ASTN2: variants seen among roughly 807,000 people sequenced by gnomAD.
The protein encoded by ASTN2 is astrotactin-2.
Under a neutral mutation model 139.8 loss-of-function variants are expected in ASTN2, and 54 were observed. The ratio of observed to expected loss-of-function variants is 0.39; its 90% CI spans 0.31 to 0.48. The LOEUF is 0.48. Ranked by LOEUF, ASTN2 falls within the 20% of genes least tolerant of loss-of-function variation. The pLI, the probability that ASTN2 is intolerant of heterozygous loss-of-function variation, is 0.95. For synonymous variants in ASTN2, 756 were observed against 719.5 expected (o/e 1.05, Z -0.81); for missense variants, 1,565 against 1,725.1 (o/e 0.91, Z 1.64).
At chr9:117,278,535 C>A (rs1834249191) in intron 2 of ASTN2, among the ~76,000 whole-genome samples, 1 of 152,190 alleles carries the variant, frequency 6.6e-6, no homozygotes, top group African/African-American at 2.4e-5. Context: ...CCCCTTCCCC[C>A]TCTTCATTCA....
At chr9:116,792,121 A>T (rs573741443) in intron 13 of ASTN2, among the ~76,000 whole-genome samples, 2 of 152,252 alleles carry the variant, frequency 1.3e-5, no homozygotes, top group African/African-American at 4.8e-5. Context: ...ACGGGGAAAG[A>T]TTACAGAGGG....
Position 116,698,502 on chromosome 9 carries a change from C to T in ASTN2, c.2806+27269G>A, listed in dbSNP as rs1407557292. ...GATCAAGCAGGCAGATGTAGCACTA[C>T]TGGAGGAGACAGCTGATGAGGAGGA... On this transcript the variant is annotated intron_variant, in intron 16 of 22. Transcript: ENST00000313400. The surrounding 1 kb of genome is among the most constrained non-coding windows in gnomAD (Gnocchi z 4.4). The T allele has an allele frequency of 6.2e-7, 1 of 1,613,874 alleles. No homozygotes were observed. The highest frequency in any genetic ancestry group is 1.7e-5 in the Admixed American group (1 of 60,028).
intron 6 of ASTN2, 29 bp downstream of exon 6, chr9:117,039,790 G>A: frequency 1.2e-6 from 2 of 1,606,454 alleles, no homozygotes; most frequent in Non-Finnish European, 1.7e-6. Context: ...CTGAGTGGGT[G>A]TGGAGCATCT....
In ASTN2 at chr9:117,414,370, T is replaced by A; in HGVS notation, c.442+127A>T. 6.9e-6 allele frequency: 10 copies of A among 1,453,214 alleles called. No homozygotes were observed. The highest frequency in any genetic ancestry group is 9.1e-6 in the Non-Finnish European group (10 of 1,096,222). 90.0% of individuals were successfully genotyped at this position (1,453,214 alleles called of 1,614,324 possible). A position where few individuals can be genotyped will look rare whatever the true frequency, so the allele number is the denominator to read the frequency against. On this transcript the variant is annotated intron_variant, in intron 1 of 22. Transcript: ENST00000313400. The surrounding 1 kb of genome is among the most constrained non-coding windows in gnomAD (Gnocchi z 4.2). Reference sequence around the variant, plus strand: ...ACCTGTGCGACCTCTGGGCCCCTCCTCTACCCTCTGCCAACCCCACTCGGG... The same window carrying A: ...ACCTGTGCGACCTCTGGGCCCCTCCACTACCCTCTGCCAACCCCACTCGGG...
At chr9:116,565,674 G>A (rs952637041) in intron 19 of ASTN2, among the ~76,000 whole-genome samples, 1 of 151,466 alleles carries the variant, frequency 6.6e-6, no homozygotes, top group Non-Finnish European at 1.5e-5. Context: ...GCAGAGACAG[G>A]GTCTCGCCAT....
intron 5 of ASTN2, among the ~76,000 whole-genome samples, chr9:117,056,500 AG>A (rs1401476168): frequency 6.6e-6 from 1 of 152,192 alleles, no homozygotes; most frequent in Non-Finnish European, 1.5e-5. Context: ...ACAAGTGAGA[AG>A]GTCAGGTGGA....
At chr9:116,456,948 A>G (rs1848350989) in intron 20 of ASTN2, among the ~76,000 whole-genome samples, 1 of 152,194 alleles carries the variant, frequency 6.6e-6, no homozygotes, top group South Asian at 2.1e-4. Flanking sequence ...CTAACTTCAA[A>G]TTATACTACA....
At chr9:116,498,419 TAAAAAAAAACAA>T (rs1380378684) in intron 19 of ASTN2, among the ~76,000 whole-genome samples, 1 of 148,650 alleles carries the variant, frequency 6.7e-6, no homozygotes, top group African/African-American at 2.5e-5. Flanking sequence ...ACCCCATCTC[TAAAAAAAAACAA>T]AAAACAAAAA....
At chr9:116,588,151 G>C (rs1441886591) in intron 19 of ASTN2, among the ~76,000 whole-genome samples, 1 of 152,128 alleles carries the variant, frequency 6.6e-6, no homozygotes, top group African/African-American at 2.4e-5. Flanking sequence ...TCTACCCGCT[G>C]CTTTCCAGGA....
At chr9:117,098,405 T>A (rs1033569735) in intron 4 of ASTN2, among the ~76,000 whole-genome samples, 6 of 152,148 alleles carry the variant, frequency 3.9e-5, no homozygotes, top group African/African-American at 1.4e-4. Flanking sequence ...TGCCTCTCAG[T>A]TTAAGGCTCT....
intron 11 of ASTN2, among the ~76,000 whole-genome samples, chr9:116,838,330 G>A (rs978409076): frequency 2.9e-4 from 44 of 151,774 alleles, no homozygotes; most frequent in African/African-American, 8.7e-4. Flanking sequence ...GGCTGGTCTC[G>A]AATTCCTGAC....
intron 19 of ASTN2, among the ~76,000 whole-genome samples, chr9:116,512,551 T>C (rs1405806035): frequency 6.6e-6 from 1 of 152,214 alleles, no homozygotes; most frequent in Non-Finnish European, 1.5e-5. Context: ...AATTCCTGGA[T>C]ATCCTCGTTA....
At chr9:116,770,881 A>G (rs779145876) in intron 13 of ASTN2, among the ~76,000 whole-genome samples, 2 of 152,106 alleles carry the variant, frequency 1.3e-5, no homozygotes, top group Non-Finnish European at 2.9e-5. Flanking sequence ...ACCTAAACCA[A>G]TGTGCTAATT....
intron 6 of ASTN2, among the ~76,000 whole-genome samples, chr9:117,036,602 C>T (rs1838390936): frequency 6.6e-6 from 1 of 152,118 alleles, no homozygotes; most frequent in African/African-American, 2.4e-5. Flanking sequence ...TCCCTTCATC[C>T]CCCCAGGGCC....
intron 13 of ASTN2, among the ~76,000 whole-genome samples, chr9:116,790,927 A>G (rs947392850): frequency 1.4e-5 from 2 of 139,918 alleles, no homozygotes; most frequent in South Asian, 4.5e-4. Flanking sequence ...GAAAGGAAGG[A>G]ATGAAAGAAA....
chr9:117,214,350 G>A lies in ASTN2; in HGVS notation c.1015+8C>T, dbSNP rs913559085. 5.1e-6 allele frequency: 8 copies of A among 1,574,764 alleles called. No homozygotes were observed. The highest frequency in any genetic ancestry group is 4.0e-5 in the African/African-American group (3 of 74,438). On this transcript the variant is annotated splice_region_variant and intron_variant, in intron 3 of 22. Coordinates refer to ENST00000313400, the MANE Select transcript of ASTN2 (RefSeq NM_001365068.1). ...CCTGGAAAATGGGCTGTGACATGGA[G>A]GACTCACCTTTCTTCTCAAAGTCCA...
At chr9:116,713,197 T>C (rs2132098973) in intron 16 of ASTN2, among the ~76,000 whole-genome samples, 1 of 152,352 alleles carries the variant, frequency 6.6e-6, no homozygotes, top group Middle Eastern at 3.4e-3. Flanking sequence ...AGGATCTTTC[T>C]AGTTGTAAAC....
intron 20 of ASTN2, among the ~76,000 whole-genome samples, chr9:116,476,082 G>T (rs973312954): frequency 5.9e-5 from 9 of 152,120 alleles, no homozygotes; most frequent in African/African-American, 2.2e-4. Flanking sequence ...TGAAATCATG[G>T]CATCCGCAGG....
chr9:117,117,903 C>T (rs1001258034), intron 4 of ASTN2, among the ~76,000 whole-genome samples: 1 of 152,132 alleles, frequency 6.6e-6, no homozygotes, highest in South Asian at 2.1e-4. Context: ...GTAAGAGCCA[C>T]CCAAAGGCCC....
Sources: allele counts gnomAD v4.1 joint callset (sites outside exome capture counted in the v4.1 genomes callset), GRCh38; gene constraint gnomAD v4.1.1; non-coding constraint Gnocchi (gnomAD v3.1); transcripts MANE v1.5; gene names NCBI Gene and HGNC (gene_info 2026-07-23, HGNC 2026-07-21).